The following ZNF729 variants were observed in gnomAD, a reference collection of about 807,000 sequenced individuals.
The protein encoded by ZNF729 is zinc finger protein 729.
Under a neutral mutation model 12.2 loss-of-function variants are expected in ZNF729, and 15 were observed. That is an observed-to-expected ratio of 1.23 (90% CI 0.82 to 1.89). The LOEUF (loss-of-function observed/expected upper bound fraction) is 1.89. Ranked by LOEUF, ZNF729 falls within the 40% of genes most tolerant of loss-of-function variation. The pLI, the probability that ZNF729 is intolerant of heterozygous loss-of-function variation, is 0.00. For synonymous variants in ZNF729, 492 were observed against 476.3 expected (o/e 1.03, Z -0.43); for missense variants, 1,540 against 1,456.7 (o/e 1.06, Z -0.93).
In ZNF729 at chr19:22,286,491, C is replaced by G; in HGVS notation, c.-35C>G. On this transcript the variant is annotated 5_prime_UTR_variant, in exon 1 of 4. Transcript: ENST00000601693. Reference sequence around the variant, plus strand: ...CTGTGTGTCCTCAGCCTCTGTGGCCCTGTAACCTGCGGCATTGGAAGATCC... The same window carrying G: ...CTGTGTGTCCTCAGCCTCTGTGGCCGTGTAACCTGCGGCATTGGAAGATCC... The G allele has an allele frequency of 6.2e-7, 1 of 1,612,748 alleles. No homozygotes were observed. Among genetic ancestry groups the G allele is most frequent in the Non-Finnish European group, 8.5e-7 (1 of 1,179,876 alleles).
intron 1 of ZNF729, among the ~76,000 whole-genome samples, chr19:22,287,804 C>T (rs1968100648): frequency 6.6e-6 from 1 of 151,748 alleles, no homozygotes; most frequent in African/African-American, 2.4e-5. Context: ...TGTTACCTTC[C>T]CAAATGTCAA....
chr19:22,297,924 G>A (rs1968250874), intron 1 of ZNF729, among the ~76,000 whole-genome samples: 1 of 142,842 alleles, frequency 7.0e-6, no homozygotes, highest in African/African-American at 2.6e-5. Context: ...AGAATTGCTT[G>A]AACCCAGGAG....
At chr19:22,307,800 G>GTTTTTTT in intron 3 of ZNF729, among the ~76,000 whole-genome samples, 54 of 53,346 alleles carry the variant, frequency 1.0e-3, no homozygotes, top group Non-Finnish European at 1.4e-3. Context: ...AAAGCTCTGT[G>GTTTTTTT]TTTTTTTTTT....
chr19:22,308,794 G>C (rs938918799), intron 3 of ZNF729, among the ~76,000 whole-genome samples: 1 of 152,066 alleles, frequency 6.6e-6, no homozygotes, highest in Non-Finnish European at 1.5e-5. Flanking sequence ...TATAGATTGT[G>C]AAGATTTTCT....
chr19:22,290,067 A>G (rs903278849), intron 1 of ZNF729, among the ~76,000 whole-genome samples: 4 of 152,214 alleles, frequency 2.6e-5, no homozygotes, highest in African/African-American at 7.2e-5. Flanking sequence ...AACCACATGA[A>G]TAACTCTGAC....
chr19:22,314,486 T>A lies in ZNF729; in HGVS notation c.1069T>A (p.Phe357Ile), dbSNP rs1968496036. ...CAAGCGTGAAGAATGTGGCAAAGCT[T>A]TTAGCCAGTCCTCAACCCTTAGAAA... ...PYKREECGKA[F>I]SQSSTLRKHE... Residue 357 changes from phenylalanine (F) to isoleucine (I), a missense_variant, in exon 4 of 4, where the codon TTT becomes ATT. Coordinates refer to ENST00000601693, the MANE Select transcript of ZNF729 (RefSeq NM_001242680.2). 1.2e-6 allele frequency: 2 copies of A among 1,608,800 alleles called. No individual in the cohort carries two copies. The highest frequency in any genetic ancestry group is 1.7e-6 in the Non-Finnish European group (2 of 1,177,922).
chr19:22,307,573 G>A (rs1274941725), intron 3 of ZNF729, among the ~76,000 whole-genome samples: 2 of 150,882 alleles, frequency 1.3e-5, no homozygotes, highest in Non-Finnish European at 3.0e-5. Context: ...GAGAAACCTT[G>A]TCTCTACTAA....
chr19:22,291,730 GTTTTGT>G (rs199849041), intron 1 of ZNF729, among the ~76,000 whole-genome samples: 3,598 of 152,196 alleles, frequency 0.024, 61 homozygotes, highest in South Asian at 0.063. Context: ...GTTCTTTTAT[GTTTTGT>G]TTTTGTTTTT....
At chr19:22,310,982 G>C (rs1968443315) in intron 3 of ZNF729, among the ~76,000 whole-genome samples, 1 of 152,114 alleles carries the variant, frequency 6.6e-6, no homozygotes. Flanking sequence ...TGCACTTAAA[G>C]GTGTTCATAG....
intron 3 of ZNF729, among the ~76,000 whole-genome samples, chr19:22,307,361 G>A (rs1968391952): frequency 7.6e-6 from 1 of 131,056 alleles, no homozygotes; most frequent in Non-Finnish European, 1.6e-5. Context: ...TAGTGGTGAT[G>A]AACACCCTTA....
At chr19:22,287,195 A>G (rs915453325) in intron 1 of ZNF729, among the ~76,000 whole-genome samples, 1 of 151,996 alleles carries the variant, frequency 6.6e-6, no homozygotes, top group Non-Finnish European at 1.5e-5. Context: ...TGTAGTTTAT[A>G]GTTGGTTAAG....
chr19:22,313,419 C>T (rs1196386165), intron 3 of ZNF729, among the ~76,000 whole-genome samples: 4 of 152,216 alleles, frequency 2.6e-5, no homozygotes, highest in Non-Finnish European at 5.9e-5. Context: ...GAAACTGTAA[C>T]CGACTTCCCT....
chr19:22,313,387 G>C lies in ZNF729; in HGVS notation c.254-284G>C, dbSNP rs111915770. On this transcript the variant is annotated intron_variant, in intron 3 of 3. Coordinates refer to ENST00000601693, the MANE Select transcript of ZNF729 (RefSeq NM_001242680.2). ...TTCTAAAGAGCCTATGCTATTTTTG[G>C]TAGCAGGAAGAGCTGCATTGGGAAA... Among the ~76,000 whole-genome samples, 3,800 of 152,264 alleles carry C rather than the reference G, an allele frequency of 0.025. 154 individuals carry two copies. The highest frequency in any genetic ancestry group is 0.087 in the African/African-American group (3,619 of 41,552).
At chr19:22,310,456 G>T (rs1301903844) in intron 3 of ZNF729, among the ~76,000 whole-genome samples, 1 of 152,090 alleles carries the variant, frequency 6.6e-6, no homozygotes, top group Non-Finnish European at 1.5e-5. Context: ...CTATTGAGAT[G>T]ATCATATGAT....
intron 3 of ZNF729, among the ~76,000 whole-genome samples, chr19:22,306,313 T>C (rs1030126449): frequency 2.6e-5 from 4 of 151,390 alleles, no homozygotes. Context: ...GTGGCACACA[T>C]CAGTAGCCCC....
chr19:22,314,076 T>A lies in ZNF729; in HGVS notation c.659T>A (p.Phe220Tyr). The A allele has an allele frequency of 6.5e-7, 1 of 1,545,292 alleles. No homozygotes were observed. The highest frequency in any genetic ancestry group is 2.0e-5 in the Admixed American group (1 of 50,298). The change falls in exon 4 of 4, where the codon TTC becomes TAC. Residue 220 changes from phenylalanine to tyrosine, a missense_variant. By Grantham distance (22) the Phe-to-Tyr change is conservative. Coordinates refer to ENST00000601693, the MANE Select transcript of ZNF729 (RefSeq NM_001242680.2). ...CEERGKAFKS[F>Y]STLTKHKIIH... ...GAACGTGGCAAAGCCTTTAAATCGT[T>A]CTCAACCCTTACTAAACATAAGATA...
intron 3 of ZNF729, among the ~76,000 whole-genome samples, chr19:22,305,522 CATATAA>C (rs1302115667): frequency 7.9e-5 from 12 of 151,910 alleles, no homozygotes; most frequent in Non-Finnish European, 1.6e-4. Flanking sequence ...CCTACCTGTA[CATATAA>C]ATATAATAAT....
At chr19:22,298,081 A>G (rs554582871) in intron 1 of ZNF729, among the ~76,000 whole-genome samples, 1 of 151,976 alleles carries the variant, frequency 6.6e-6, no homozygotes, top group Non-Finnish European at 1.5e-5. Context: ...AGAATGATAA[A>G]AGCTGAAAGA....
chr19:22,302,627 G>A (rs973853833), intron 1 of ZNF729, among the ~76,000 whole-genome samples: 1 of 152,296 alleles, frequency 6.6e-6, no homozygotes, highest in Non-Finnish European at 1.5e-5. Flanking sequence ...GTGCATCTTA[G>A]GTAAGCTTAG....
Sources: gnomAD v4.1 joint callset for allele counts (sites outside exome capture counted in the v4.1 genomes callset) on GRCh38, gnomAD v4.1.1 for gene constraint, MANE v1.5 for transcripts, NCBI Gene and HGNC (gene_info 2026-07-23, HGNC 2026-07-21) for gene names.